ZFHX4: variants seen among roughly 807,000 people sequenced by gnomAD.
ZFHX4 encodes zinc finger homeobox 4.
Under a neutral mutation model 267.6 loss-of-function variants are expected in ZFHX4, and 56 were observed. The observed-to-expected ratio is 0.21, with a 90% CI of 0.17 to 0.26. The LOEUF is 0.26. Ranked by LOEUF, ZFHX4 falls within the 10% of genes least tolerant of loss-of-function variation. The pLI is 1.00. For synonymous variants in ZFHX4, 1,778 were observed against 1,665.6 expected (o/e 1.07, Z -1.64); for missense variants, 4,332 against 4,420.0 (o/e 0.98, Z 0.56).
At chr8:76,794,786 G>A (rs1291026624) in intron 4 of ZFHX4, among the ~76,000 whole-genome samples, 1 of 152,038 alleles carries the variant, frequency 6.6e-6, no homozygotes, top group Non-Finnish European at 1.5e-5. Flanking sequence ...TATATCTTAT[G>A]TGATTATGTA....
chr8:76,721,739 T>C (rs1477180249), intron 3 of ZFHX4, among the ~76,000 whole-genome samples: 1 of 152,160 alleles, frequency 6.6e-6, no homozygotes, highest in Non-Finnish European at 1.5e-5. Context: ...AGAGTGTCTC[T>C]GTGTTTCCAT....
chr8:76,791,319 T>C (rs1001009848), intron 4 of ZFHX4, among the ~76,000 whole-genome samples: 17 of 152,160 alleles, frequency 1.1e-4, no homozygotes, highest in African/African-American at 4.1e-4. Context: ...ACAGCTTATA[T>C]GGTGTCCTGG....
intron 4 of ZFHX4, among the ~76,000 whole-genome samples, chr8:76,794,907 G>GTGTT (rs1810936218): frequency 6.6e-6 from 1 of 151,852 alleles, no homozygotes. Context: ...GTGTGTGTGT[G>GTGTT]TGTGGACAAA....
intron 3 of ZFHX4, among the ~76,000 whole-genome samples, chr8:76,718,964 C>T (rs1808648065): frequency 6.6e-6 from 1 of 151,294 alleles, no homozygotes; most frequent in South Asian, 2.1e-4. Flanking sequence ...CACACACACA[C>T]ACACATGCTT....
rs779300694 is a variant in ZFHX4, at chr8:76,778,226, G to A, written c.3112G>A (p.Gly1038Ser). The change falls in exon 4 of 11, where the codon GGT becomes AGT. Residue 1038 changes from glycine (G) to serine (S), a missense_variant. Around this residue, in one of 7 missense-constraint regions of ZFHX4, gnomAD observed 1,371 missense variants for 1,423.1 expected, o/e 0.96. Coordinates refer to ENST00000651372, the MANE Select transcript of ZFHX4 (RefSeq NM_024721.5). ...KLYKHLQKQE[G>S]AVNPESCYYY... The stretch of plus-strand genomic sequence containing the variant: ...CTTTCAGCACTTGCAGAAGCAAGAG[G>A]GTGCAGTGAATCCCGAATCCTGCTA... The A allele has an allele frequency of 3.1e-6, 5 of 1,612,290 alleles. No homozygotes were observed. The highest frequency in any genetic ancestry group is 1.7e-5 in the Admixed American group (1 of 59,968).
At position 76,704,433 on chromosome 8, in the gene ZFHX4, G is replaced by T; in HGVS notation, c.345G>T (p.Glu115Asp). The stretch of plus-strand genomic sequence containing the variant: ...TCCTGAAGGATGACAACGAGAGCGA[G>T]ATCAGCGAGTTAGAGGACAGTGACG... ...LPVLKDDNES[E>D]ISELEDSDVE... The change falls in exon 2 of 11, where the codon GAG becomes GAT. Residue 115 changes from glutamate (E) to aspartate (D), a missense_variant. Around this residue, in one of 7 missense-constraint regions of ZFHX4, gnomAD observed 1,195 missense variants for 1,173.6 expected, o/e 1.02. Transcript: ENST00000651372. 1 of 1,613,986 alleles carries T rather than the reference G, an allele frequency of 6.2e-7. No homozygotes were observed.
intron 3 of ZFHX4, among the ~76,000 whole-genome samples, chr8:76,722,957 T>A (rs933453083): frequency 1.3e-5 from 2 of 152,056 alleles, no homozygotes; most frequent in Admixed American, 6.6e-5. Flanking sequence ...GGCCTTCAAT[T>A]GAAATTTGCT....
intron 3 of ZFHX4, among the ~76,000 whole-genome samples, chr8:76,714,290 T>G (rs183854551): frequency 1.7e-4 from 26 of 152,270 alleles, no homozygotes; most frequent in African/African-American, 6.0e-4. Flanking sequence ...GAAAGTCATA[T>G]GTTAACCAGG....
intron 3 of ZFHX4, among the ~76,000 whole-genome samples, chr8:76,740,482 A>G (rs1809285715): frequency 6.6e-6 from 1 of 151,858 alleles, no homozygotes; most frequent in Non-Finnish European, 1.5e-5. Context: ...CAGTTTCCCC[A>G]AAACCTACTG....
At chr8:76,685,166 C>T (rs1266935345) in intron 1 of ZFHX4, among the ~76,000 whole-genome samples, 1 of 152,212 alleles carries the variant, frequency 6.6e-6, no homozygotes, top group Non-Finnish European at 1.5e-5. Flanking sequence ...CCCTTAATAA[C>T]TCTTGAGATT....
chr8:76,724,317 T>C (rs1229506338), intron 3 of ZFHX4, among the ~76,000 whole-genome samples: 2 of 152,050 alleles, frequency 1.3e-5, no homozygotes, highest in Admixed American at 6.6e-5. Context: ...TGTTCCTCTC[T>C]TCTTCAGAAG....
chr8:76,782,618 A>G (rs1344749666), intron 4 of ZFHX4, among the ~76,000 whole-genome samples: 1 of 151,938 alleles, frequency 6.6e-6, no homozygotes, highest in Non-Finnish European at 1.5e-5. Flanking sequence ...TATCTGTACA[A>G]AATATCCCAA....
intron 3 of ZFHX4, among the ~76,000 whole-genome samples, chr8:76,718,968 CAT>C (rs1005238203): frequency 1.6e-4 from 24 of 147,344 alleles, no homozygotes; most frequent in Admixed American, 1.4e-3. Context: ...CACACACACA[CAT>C]GCTTTTCCAA....
chr8:76,852,502 A>G lies in ZFHX4; in HGVS notation c.5581A>G (p.Ile1861Val). 9.4e-6 allele frequency: 15 copies of G among 1,602,248 alleles called. No homozygotes were observed. The highest frequency in any genetic ancestry group is 1.2e-5 in the Non-Finnish European group (14 of 1,174,050). ...DVPSYKEAED[I>V]SEKPEKPKQE... Reference sequence around the variant, plus strand: ...GCCATCTTATAAGGAGGCAGAAGATATTTCTGAAAAGCCAGAAAAACCAAA... The same window carrying G: ...GCCATCTTATAAGGAGGCAGAAGATGTTTCTGAAAAGCCAGAAAAACCAAA... Residue 1861 changes from isoleucine to valine, a missense_variant, in exon 10 of 11, where the codon ATT becomes GTT. Physicochemically the swap from Ile to Val is conservative, Grantham distance 29. Around this residue, in one of 7 missense-constraint regions of ZFHX4, gnomAD observed 1,371 missense variants for 1,423.1 expected, o/e 0.96. Coordinates refer to ENST00000651372, the MANE Select transcript of ZFHX4 (RefSeq NM_024721.5).
chr8:76,735,279 A>C (rs750952180), intron 3 of ZFHX4, among the ~76,000 whole-genome samples: 1 of 152,062 alleles, frequency 6.6e-6, no homozygotes, highest in South Asian at 2.1e-4. Flanking sequence ...CTGTGAGTTG[A>C]GTTTATTTTG....
Position 76,852,988 on chromosome 8 carries a change from G to A in ZFHX4, c.6067G>A (p.Gly2023Ser), listed in dbSNP as rs1021638009. The change falls in exon 10 of 11, where the codon GGT (glycine) becomes AGT (serine). Residue 2023 changes from glycine to serine, a missense_variant. Transcript: ENST00000651372. ...GGCTCCTCCACAGCCTTCTTCTATGGGTCCTGTAAAGATCCCCAACACGGT... is the reference window on the plus strand; with the variant it reads ...GGCTCCTCCACAGCCTTCTTCTATGAGTCCTGTAAAGATCCCCAACACGGT... The part of the protein sequence containing the change: ...PPAPPQPSSM[G>S]PVKIPNTVST... 6.5e-7 allele frequency: 1 copy of A among 1,547,248 alleles called. No homozygotes were observed. The highest frequency in any genetic ancestry group is 1.4e-5 in the African/African-American group (1 of 72,498).
intron 1 of ZFHX4, among the ~76,000 whole-genome samples, chr8:76,687,474 T>C (rs922758264): frequency 9.9e-5 from 15 of 152,234 alleles, no homozygotes; most frequent in Admixed American, 2.0e-4. Context: ...CCAGTCCAGC[T>C]ACATTCTTTC....
intron 3 of ZFHX4, among the ~76,000 whole-genome samples, chr8:76,729,995 G>A (rs1180104596): frequency 6.6e-6 from 1 of 152,098 alleles, no homozygotes; most frequent in Non-Finnish European, 1.5e-5. Context: ...CGTGTAACTG[G>A]GAGAAAAAAA....
At chr8:76,715,431 G>C (rs1005130037) in intron 3 of ZFHX4, among the ~76,000 whole-genome samples, 2 of 141,310 alleles carry the variant, frequency 1.4e-5, no homozygotes, top group African/African-American at 5.3e-5. Context: ...GCAGTGAGCC[G>C]AGATTGCGCC....
Sources: gnomAD v4.1 joint callset for allele counts (sites outside exome capture counted in the v4.1 genomes callset) on GRCh38, gnomAD v4.1.1 for gene constraint, gnomAD v4.1.1 regional missense constraint, MANE v1.5 for transcripts, NCBI Gene and HGNC (gene_info 2026-07-23, HGNC 2026-07-21) for gene names.